The following ZCCHC4 variants were observed in gnomAD, a reference collection of about 807,000 sequenced individuals.
ZCCHC4 encodes zinc finger CCHC-type containing 4, also known as rRNA N(6)-adenosine-methyltransferase ZCCHC4.
A neutral mutation model predicts 67.7 loss-of-function variants in ZCCHC4; 54 were observed. The ratio of observed to expected loss-of-function variants is 0.80; its 90% confidence interval spans 0.64 to 1.00. The LOEUF is 1.00. ZCCHC4 is among the 50% of genes least tolerant of loss of function. The pLI is 0.00. For missense variants in ZCCHC4, 609 were observed against 617.0 expected (o/e 0.99, Z 0.14); for synonymous variants, 198 against 213.5 (o/e 0.93, Z 0.63).
Position 25,365,008 on chromosome 4 carries a change from T to C in ZCCHC4, c.1262-14T>C, listed in dbSNP as rs1489921074. The C allele has an allele frequency of 5.0e-6, 8 of 1,610,196 alleles. No homozygotes were observed. Among genetic ancestry groups the C allele is most frequent in the Middle Eastern group, 1.7e-4 (1 of 6,060 alleles). On this transcript the variant is annotated splice_polypyrimidine_tract_variant and intron_variant, in intron 11 of 12. Coordinates refer to ENST00000302874, the MANE Select transcript of ZCCHC4 (RefSeq NM_024936.3). ...TACATGAACTTCCTTTAAAACTTAA[T>C]TTTTATTTTACAGCCTGGATCCACT... is the stretch of plus-strand genomic sequence containing the variant.
chr4:25,352,024 GC>G (rs983249150), intron 8 of ZCCHC4: 25 of 1,011,028 alleles, frequency 2.5e-5, no homozygotes, highest in African/African-American at 3.4e-5. Context: ...AGATTTTGCA[GC>G]CCCCCCACCC....
chr4:25,354,782 G>A (rs926171086), intron 8 of ZCCHC4, among the ~76,000 whole-genome samples: 7 of 151,880 alleles, frequency 4.6e-5, no homozygotes, highest in Non-Finnish European at 8.8e-5. Context: ...ACAGGTGTGA[G>A]CCACCATGCC....
At chr4:25,321,874 A>G (rs1251019710) in intron 3 of ZCCHC4, among the ~76,000 whole-genome samples, 1 of 152,158 alleles carries the variant, frequency 6.6e-6, no homozygotes, top group Non-Finnish European at 1.5e-5. Context: ...CTGGTGGCTG[A>G]CTGAAAGTAC....
chr4:25,327,028 A>C (rs551241777), intron 3 of ZCCHC4, among the ~76,000 whole-genome samples: 1 of 152,194 alleles, frequency 6.6e-6, no homozygotes, highest in Admixed American at 6.5e-5. Flanking sequence ...TTGATTTTAT[A>C]TATTGATCTT....
chr4:25,367,884 A>G (rs931554001), intron 12 of ZCCHC4, among the ~76,000 whole-genome samples: 2 of 152,222 alleles, frequency 1.3e-5, no homozygotes, highest in Non-Finnish European at 2.9e-5. Flanking sequence ...ATAGTAGAGC[A>G]CAGATCCTGG....
At chr4:25,348,299 G>A (rs2875425) in intron 6 of ZCCHC4, among the ~76,000 whole-genome samples, 15,994 of 152,156 alleles carry the variant, frequency 0.11, 1,052 homozygotes, top group East Asian at 0.25. Context: ...AATTGATTTC[G>A]CGGTAGAACA....
chr4:25,343,673 A>G (rs945589232), intron 5 of ZCCHC4, among the ~76,000 whole-genome samples: 1 of 152,244 alleles, frequency 6.6e-6, no homozygotes, highest in African/African-American at 2.4e-5. Flanking sequence ...CGAGAGACAC[A>G]TAGTTTGAAA....
intron 8 of ZCCHC4, among the ~76,000 whole-genome samples, chr4:25,361,124 A>G (rs1299090062): frequency 6.6e-6 from 1 of 152,234 alleles, no homozygotes; most frequent in Non-Finnish European, 1.5e-5. Flanking sequence ...CCTCCAACCA[A>G]GTATGGGGAC....
intron 8 of ZCCHC4, among the ~76,000 whole-genome samples, chr4:25,357,134 T>C (rs952375110): frequency 6.6e-6 from 1 of 152,220 alleles, no homozygotes; most frequent in African/African-American, 2.4e-5. Context: ...AGTTCTATTC[T>C]CTGAAGCAAT....
In ZCCHC4 at chr4:25,333,912, C is replaced by T; in HGVS notation, c.610C>T (p.His204Tyr). ...RVLCVGTPRLHELIKLTASGD... is the reference protein window; with the variant it reads ...RVLCVGTPRLYELIKLTASGD... ...TGCTTTCACTAATTGCTTTAGGTTGCATGAGCTGATCAAGTTGACAGCATC... is the reference window on the plus strand; with the variant it reads ...TGCTTTCACTAATTGCTTTAGGTTGTATGAGCTGATCAAGTTGACAGCATC... The change falls in exon 5 of 13, where the codon CAT (histidine) becomes TAT (tyrosine). Residue 204 changes from histidine to tyrosine, a missense_variant. Coordinates refer to ENST00000302874, the MANE Select transcript of ZCCHC4 (RefSeq NM_024936.3). The T allele has an allele frequency of 1.3e-6, 2 of 1,594,638 alleles. No individual in the cohort carries two copies. The highest frequency in any genetic ancestry group is 2.3e-5 in the South Asian group (2 of 86,508).
At chr4:25,346,758 C>T (rs1401566674) in intron 6 of ZCCHC4, among the ~76,000 whole-genome samples, 1 of 152,128 alleles carries the variant, frequency 6.6e-6, no homozygotes, top group Non-Finnish European at 1.5e-5. Flanking sequence ...TCAGCTGTTT[C>T]CCAAAGCGTT....
Position 25,333,191 on chromosome 4 carries a change from A to T in ZCCHC4, c.338A>T (p.Lys113Met). 1 of 1,611,434 alleles carries T rather than the reference A, an allele frequency of 6.2e-7. No homozygotes were observed. Among genetic ancestry groups the T allele is most frequent in the African/African-American group, 1.3e-5 (1 of 74,954 alleles). ...SRTQCVERYL[K>M]FIELPLTQRK... The stretch of plus-strand genomic sequence containing the variant: ...TTTATTTTGTCTTGAAGGTACTTGA[A>T]GTTTATTGAGTTGCCCTTGACTCAG... Residue 113 changes from lysine to methionine, a missense_variant, in exon 4 of 13, where the codon AAG becomes ATG. Coordinates refer to ENST00000302874, the MANE Select transcript of ZCCHC4 (RefSeq NM_024936.3).
In ZCCHC4 at chr4:25,351,627, C is replaced by G. The variant is rs1018670648; in HGVS notation, c.949C>G (p.Pro317Ala). The change falls in exon 8 of 13, where the codon CCC becomes GCC. Residue 317 changes from proline to alanine, a missense_variant. By Grantham distance (27) the Pro-to-Ala change is conservative. Coordinates refer to ENST00000302874, the MANE Select transcript of ZCCHC4 (RefSeq NM_024936.3). ...AGAACTACCCATTTTCTGGATTTTCCCCTATTTTTTTGAATCCCGAATTTG... is the reference window on the plus strand; with the variant it reads ...AGAACTACCCATTTTCTGGATTTTCGCCTATTTTTTTGAATCCCGAATTTG... ...HKELPIFWIF[P>A]YFFESRICQF... is the part of the protein sequence containing the mutation. The G allele has an allele frequency of 5.6e-6, 9 of 1,611,636 alleles. No individual in the cohort carries two copies. In the African/African-American group the frequency reaches 1.1e-4, roughly 19 times the overall value.
At chr4:25,357,842 C>G (rs183319091) in intron 8 of ZCCHC4, among the ~76,000 whole-genome samples, 15 of 152,288 alleles carry the variant, frequency 9.8e-5, no homozygotes, top group Admixed American at 9.8e-4. Flanking sequence ...GCCAGGAGGG[C>G]TTGTTAAAAC....
At position 25,364,456 on chromosome 4, in the gene ZCCHC4, T is replaced by C; in HGVS notation, c.1212T>C (p.Asp404=). 6.7e-7 allele frequency: 1 copy of C among 1,503,216 alleles called. No individual in the cohort carries two copies. The highest frequency in any genetic ancestry group is 2.2e-5 in the Admixed American group (1 of 44,990). 93.1% of individuals were successfully genotyped at this position (1,503,216 alleles called of 1,614,324 possible). A position where few individuals can be genotyped will look rare whatever the true frequency, so the allele number is the denominator to read the frequency against. ...CELCNSCTSK[D]GRKWNHCFLC... ...AAAATTGTTTTTTTTTTTGGTAGGA[T>C]GGCAGGAAATGGAACCATTGCTTTC... The change falls in exon 11 of 13, where the codon GAT becomes GAC. Residue 404 remains aspartate, a splice_region_variant and synonymous_variant. Coordinates refer to ENST00000302874, the MANE Select transcript of ZCCHC4 (RefSeq NM_024936.3).
Position 25,351,509 on chromosome 4 carries a change from T to C in ZCCHC4, c.911-80T>C, listed in dbSNP as rs1170846688. The C allele has an allele frequency of 9.1e-6, 8 of 880,630 alleles. No individual in the cohort carries two copies. The Admixed American group carries it at 1.4e-4, about 16-fold the overall frequency. 54.6% of individuals were successfully genotyped at this position (880,630 alleles called of 1,614,324 possible). Reference sequence around the variant, plus strand: ...TGTGTTGAATCATTGCAATTTCTTATGCTAGCGGAAGTTTTTCTACTGTAG... The same window carrying C: ...TGTGTTGAATCATTGCAATTTCTTACGCTAGCGGAAGTTTTTCTACTGTAG... On this transcript the variant is annotated intron_variant, in intron 7 of 12. Coordinates refer to ENST00000302874, the MANE Select transcript of ZCCHC4 (RefSeq NM_024936.3).
intron 3 of ZCCHC4, among the ~76,000 whole-genome samples, chr4:25,324,756 A>T (rs1718772516): frequency 6.6e-6 from 1 of 152,194 alleles, no homozygotes; most frequent in Non-Finnish European, 1.5e-5. Context: ...TTGTGAAGTG[A>T]CATTGTATTG....
chr4:25,350,440 T>C (rs1182631617), intron 7 of ZCCHC4, among the ~76,000 whole-genome samples: 1 of 151,976 alleles, frequency 6.6e-6, no homozygotes, highest in Non-Finnish European at 1.5e-5. Flanking sequence ...TTTTTTCCCC[T>C]GTATTTTTAG....
At chr4:25,343,853 G>A (rs1227981709) in intron 5 of ZCCHC4, among the ~76,000 whole-genome samples, 5 of 152,152 alleles carry the variant, frequency 3.3e-5, no homozygotes, top group African/African-American at 1.2e-4. Flanking sequence ...GTCATGACTT[G>A]GTTCAAGAAG....
Sources: gnomAD v4.1 joint callset for allele counts (sites outside exome capture counted in the v4.1 genomes callset) on GRCh38, gnomAD v4.1.1 for gene constraint, MANE v1.5 for transcripts, NCBI Gene and HGNC (gene_info 2026-07-23, HGNC 2026-07-21) for gene names.